AGBL2: variants seen among roughly 807,000 people sequenced by gnomAD.
The protein encoded by AGBL2 is cytosolic carboxypeptidase 2.
In AGBL2, 87 loss-of-function variants were observed where a neutral mutation model predicts 103.0. The observed-to-expected ratio is 0.84, with a 90% confidence interval of 0.71 to 1.01. The LOEUF (loss-of-function observed/expected upper bound fraction) is 1.01, where lower values mean the gene tolerates loss of function less well. Ranked by LOEUF, AGBL2 falls within the 50% of genes least tolerant of loss-of-function variation. The pLI is 0.00. For missense variants in AGBL2, 904 were observed against 1,023.5 expected, an observed-to-expected ratio of 0.88 and a Z score of 1.59; for synonymous variants, 335 against 356.7, an observed-to-expected ratio of 0.94 and a Z score of 0.69.
intron 9 of AGBL2, among the ~76,000 whole-genome samples, chr11:47,691,773 T>A (rs2153804344): frequency 8.7e-6 from 1 of 114,500 alleles, no homozygotes; most frequent in Non-Finnish European, 1.7e-5. Flanking sequence ...GCATATTACA[T>A]ATACACACAC....
At chr11:47,682,153 G>A in intron 11 of AGBL2, 58 bp from the exon 12 acceptor site, 2 of 1,504,886 alleles carry the variant, frequency 1.3e-6, no homozygotes, top group Non-Finnish European at 1.8e-6. Context: ...AAATATCTAA[G>A]ATTCATTAAT....
At chr11:47,713,402 G>A (rs926379855) in intron 3 of AGBL2, among the ~76,000 whole-genome samples, 7 of 147,114 alleles carry the variant, frequency 4.8e-5, no homozygotes, top group African/African-American at 1.2e-4. Context: ...GCTCGTGCCT[G>A]TAATCCCAGC....
intron 3 of AGBL2, among the ~76,000 whole-genome samples, chr11:47,712,344 T>C (rs1237456932): frequency 6.6e-6 from 1 of 152,166 alleles, no homozygotes; most frequent in Non-Finnish European, 1.5e-5. Flanking sequence ...ATAAAATTAA[T>C]ACTAATACAA....
intron 3 of AGBL2, chr11:47,710,776 G>A: frequency 1.9e-6 from 1 of 533,392 alleles, no homozygotes; most frequent in Non-Finnish European, 3.6e-6. Context: ...GACTTGGCAG[G>A]CAGAAAGATT....
At chr11:47,666,934 G>T in intron 17 of AGBL2, 22 bp downstream of exon 17, 1 of 1,444,772 alleles carries the variant, frequency 6.9e-7, no homozygotes, top group Non-Finnish European at 9.7e-7. Flanking sequence ...GTGTGACAAA[G>T]AGTCAAAAAC....
chr11:47,706,619 C>T (rs1258965166), intron 4 of AGBL2, among the ~76,000 whole-genome samples: 2 of 151,970 alleles, frequency 1.3e-5, no homozygotes, highest in South Asian at 4.1e-4. Context: ...GCCTATAGTC[C>T]CACCTAGTCC....
chr11:47,704,861 T>C (rs935025902), intron 6 of AGBL2, 133 bp from the exon 7 acceptor site: 2 of 685,112 alleles, frequency 2.9e-6, no homozygotes, highest in South Asian at 2.5e-5. Context: ...CTCTGACATG[T>C]TTCTCCTTCA....
intron 18 of AGBL2, among the ~76,000 whole-genome samples, chr11:47,660,741 A>C (rs948447694): frequency 6.6e-6 from 1 of 151,958 alleles, no homozygotes; most frequent in African/African-American, 2.4e-5. Flanking sequence ...TTTTTAGTAG[A>C]GATGGGGTTT....
At chr11:47,712,144 A>G (rs2097537992) in intron 3 of AGBL2, among the ~76,000 whole-genome samples, 1 of 152,214 alleles carries the variant, frequency 6.6e-6, no homozygotes. Context: ...ACAGTACATA[A>G]GTACTTAGTT....
In AGBL2 at chr11:47,677,241, A is replaced by G. The variant is rs182492376; in HGVS notation, c.2147+30T>C. ...CAGGTTAACAACAAAGTATTTAAAA[A>G]AAAACAAAACTCTGTTTTTTCTTTG... is the stretch of plus-strand genomic sequence containing the variant. On this transcript the variant is annotated intron_variant, in intron 14 of 18. Transcript: ENST00000525123. 5 of 1,549,902 alleles carry G rather than the reference A, an allele frequency of 3.2e-6. No individual in the cohort carries two copies. In the East Asian group the frequency reaches 9.4e-5, roughly 29 times the overall value.
intron 5 of AGBL2, 77 bp downstream of exon 5, chr11:47,705,787 T>A: frequency 7.8e-7 from 1 of 1,275,270 alleles, no homozygotes; most frequent in Non-Finnish European, 1.1e-6. Context: ...TTCTTAGGTC[T>A]GGTGGGAACA....
rs753490225 is a variant in AGBL2 at position 47,704,603 on chromosome 11, G to T, written c.526C>A (p.Leu176Met). The T allele has an allele frequency of 6.2e-7, 1 of 1,614,068 alleles. No individual in the cohort carries two copies. Among genetic ancestry groups the T allele is most frequent in the Admixed American group, 1.7e-5 (1 of 59,988 alleles). ...LFSILSTKRPLQAPRWPIECE... is the reference protein window; with the variant it reads ...LFSILSTKRPMQAPRWPIECE... ...TCAATTGGCCATCTTGGAGCCTGCA[G>T]TGGCCTCTTGGTAGACAAAATGGAA... The change falls in exon 7 of 19, where the codon CTG (leucine) becomes ATG (methionine). Residue 176 changes from leucine to methionine, a missense_variant. Physicochemically the swap from Leu to Met is conservative, Grantham distance 15. Coordinates refer to ENST00000525123, the MANE Select transcript of AGBL2 (RefSeq NM_024783.4).
intron 17 of AGBL2, 49 bp downstream of exon 17, chr11:47,666,907 G>T (rs7939069): frequency 8.4e-7 from 1 of 1,196,566 alleles, no homozygotes; most frequent in Non-Finnish European, 1.2e-6. Flanking sequence ...GTGCTAATTC[G>T]AGAGGTTAGA....
At chr11:47,706,377 G>A (rs1202415427) in intron 4 of AGBL2, among the ~76,000 whole-genome samples, 2 of 152,212 alleles carry the variant, frequency 1.3e-5, no homozygotes, top group South Asian at 2.1e-4. Context: ...TTAGCCCGGC[G>A]TGGTGGCAGG....
At chr11:47,689,929 A>G (rs2097438344) in intron 10 of AGBL2, 147 bp downstream of exon 10, 1 of 637,446 alleles carries the variant, frequency 1.6e-6, no homozygotes. Context: ...AAGTCACTTG[A>G]CTACAAAGAG....
intron 9 of AGBL2, 131 bp downstream of exon 9, chr11:47,691,972 T>C (rs1227345346): frequency 1.7e-5 from 13 of 775,588 alleles, no homozygotes; most frequent in Non-Finnish European, 2.3e-5. Flanking sequence ...AATTACTCCA[T>C]TTTTCTTCAT....
At chr11:47,709,589 C>CTT (rs779043314) in intron 4 of AGBL2, among the ~76,000 whole-genome samples, 2 of 144,080 alleles carry the variant, frequency 1.4e-5, no homozygotes, top group Non-Finnish European at 3.1e-5. Context: ...CAATGTATTA[C>CTT]TTTTTTTTTT....
intron 17 of AGBL2, among the ~76,000 whole-genome samples, chr11:47,665,914 C>T (rs935449857): frequency 3.9e-5 from 6 of 151,948 alleles, no homozygotes; most frequent in African/African-American, 7.2e-5. Context: ...GAGGCTGAGG[C>T]GGGAGAATCA....
At chr11:47,698,435 G>T (rs908197846) in intron 8 of AGBL2, among the ~76,000 whole-genome samples, 5 of 152,174 alleles carry the variant, frequency 3.3e-5, no homozygotes, top group African/African-American at 1.2e-4. Context: ...GCCTCCCAAA[G>T]TGCTGGGATT....
Sources: gnomAD v4.1 joint callset for allele counts (sites outside exome capture counted in the v4.1 genomes callset) on GRCh38, gnomAD v4.1.1 for gene constraint, MANE v1.5 for transcripts, NCBI Gene and HGNC (gene_info 2026-07-23, HGNC 2026-07-21) for gene names.